UBE2J1: variants seen among roughly 807,000 people sequenced by gnomAD.
The protein encoded by UBE2J1 is ubiquitin conjugating enzyme E2 J1.
A neutral mutation model predicts 42.1 loss-of-function variants in UBE2J1; 17 were observed. The observed-to-expected ratio is 0.40, with a 90% CI of 0.28 to 0.61. UBE2J1 has a LOEUF of 0.61. Among genes scored for constraint, UBE2J1 ranks in the 20% least tolerant of loss-of-function variants. The pLI is 0.38. For missense variants in UBE2J1, 291 were observed against 389.4 expected, an observed-to-expected ratio of 0.75 and a Z score of 2.13; for synonymous variants, 127 against 137.2, an observed-to-expected ratio of 0.93 and a Z score of 0.52.
chr6:89,336,700 G>A (rs1768114347), intron 5 of UBE2J1, among the ~76,000 whole-genome samples: 1 of 151,858 alleles, frequency 6.6e-6, no homozygotes, highest in African/African-American at 2.4e-5. Flanking sequence ...ACACACCTTT[G>A]AGAATTGGTT....
In UBE2J1 at chr6:89,326,772, T is replaced by C. The variant is rs906508699; in HGVS notation, c.*2907A>G. 6.6e-6 allele frequency: 1 copy of C among 152,208 alleles called. No individual in the cohort carries two copies. Among genetic ancestry groups the C allele is most frequent in the Non-Finnish European group, 1.5e-5 (1 of 68,032 alleles). The allele number at this position is 152,208 out of a possible 1,614,324, so 9.4% of individuals were successfully genotyped here. ...CTGTTAATGTGCACATTAGTCTTTG[T>C]TAGTCACGTTCACTAAATGCATTAA... On this transcript the variant is annotated 3_prime_UTR_variant, in exon 8 of 8. Transcript: ENST00000435041.
chr6:89,352,553 T>C lies in UBE2J1; in HGVS notation c.17A>G (p.Asn6Ser), dbSNP rs1474370248. Reference protein sequence around the residue: METRYNLKSPAVKRLM... With the variant: METRYSLKSPAVKRLM... ...GCCCTGCTCACCCGGACTCTTCAGGTTGTAGCGGGTCTCCATGGTGGGTCG... is the reference window on the plus strand; with the variant it reads ...GCCCTGCTCACCCGGACTCTTCAGGCTGTAGCGGGTCTCCATGGTGGGTCG... The change falls in exon 1 of 8, where the codon AAC (asparagine) becomes AGC (serine). Residue 6 changes from asparagine (N) to serine (S), a missense_variant. Asn to Ser is a conservative substitution (Grantham distance 46, BLOSUM62 1). Coordinates refer to ENST00000435041, the MANE Select transcript of UBE2J1 (RefSeq NM_016021.3). The C allele has an allele frequency of 6.4e-7, 1 of 1,570,778 alleles. No individual in the cohort carries two copies. The highest frequency in any genetic ancestry group is 1.7e-5 in the Admixed American group (1 of 57,256).
chr6:89,342,481 G>A, intron 2 of UBE2J1, 26 bp from the exon 3 acceptor site: 1 of 1,553,402 alleles, frequency 6.4e-7, no homozygotes, highest in Non-Finnish European at 8.7e-7. Flanking sequence ...AATCCACAAG[G>A]AATTAATAAT....
At chr6:89,351,986 GTGT>G (rs1446171712) in intron 1 of UBE2J1, among the ~76,000 whole-genome samples, 1 of 152,180 alleles carries the variant, frequency 6.6e-6, no homozygotes, top group African/African-American at 2.4e-5. Flanking sequence ...GCTCAACGAG[GTGT>G]TTTTTTGTTG....
intron 3 of UBE2J1, among the ~76,000 whole-genome samples, chr6:89,340,775 T>TATG (rs1768231004): frequency 7.0e-6 from 1 of 143,304 alleles, no homozygotes; most frequent in Admixed American, 7.0e-5. Flanking sequence ...TTTATTTATG[T>TATG]TTTTTTTTTT....
At chr6:89,348,315 C>CTAGGCAT (rs1768400790) in intron 1 of UBE2J1, among the ~76,000 whole-genome samples, 1 of 152,156 alleles carries the variant, frequency 6.6e-6, no homozygotes, top group Admixed American at 6.5e-5. Flanking sequence ...TGCTGTGGGC[C>CTAGGCAT]TAGGCATTAG....
In UBE2J1 at chr6:89,338,744, C is replaced by A. The variant is rs1462873876; in HGVS notation, c.238-201G>T. Among the ~76,000 whole-genome samples, 3 of 134,812 alleles carry A rather than the reference C, an allele frequency of 2.2e-5. No homozygotes were observed. In the Admixed American group the frequency reaches 2.6e-4, roughly 12 times the overall value. The allele number at this position is 134,812 out of a possible 152,430, so 88.4% of individuals were successfully genotyped here. A position where few individuals can be genotyped will look rare whatever the true frequency, so the allele number is the denominator to read the frequency against. On this transcript the variant is annotated intron_variant, in intron 3 of 7. Transcript: ENST00000435041. ...GCAGTGGTGTGATATCAGCTCACTG[C>A]AAGATCCACCTCCCGGGTTCACGCC...
intron 5 of UBE2J1, 92 bp downstream of exon 5, chr6:89,338,113 T>C: frequency 2.5e-6 from 2 of 786,086 alleles, no homozygotes; most frequent in Non-Finnish European, 4.1e-6. Context: ...ACTCAGAAAA[T>C]AAGTCACATA....
At chr6:89,332,653 C>A (rs35559198) in intron 7 of UBE2J1, among the ~76,000 whole-genome samples, 1 of 152,174 alleles carries the variant, frequency 6.6e-6, no homozygotes, top group East Asian at 1.9e-4. Context: ...CTGCATGTGG[C>A]TGGTGGCTAC....
intron 1 of UBE2J1, among the ~76,000 whole-genome samples, chr6:89,344,680 A>G (rs1253541005): frequency 6.6e-6 from 1 of 152,114 alleles, no homozygotes; most frequent in Non-Finnish European, 1.5e-5. Flanking sequence ...AATGCCACCT[A>G]ATGTCCCCAC....
chr6:89,343,163 GCA>G (rs1233361700), intron 2 of UBE2J1, among the ~76,000 whole-genome samples: 1 of 152,136 alleles, frequency 6.6e-6, no homozygotes, highest in African/African-American at 2.4e-5. Context: ...TCGGCCGGGT[GCA>G]GTGGCTCACG....
At chr6:89,334,319 A>G (rs1768067930) in intron 6 of UBE2J1, among the ~76,000 whole-genome samples, 2 of 151,410 alleles carry the variant, frequency 1.3e-5, no homozygotes. Flanking sequence ...TTCAATAATT[A>G]AATATTTAAT....
Position 89,329,559 on chromosome 6 carries a change from C to CA in UBE2J1, c.*119dup. The stretch of plus-strand genomic sequence containing the variant: ...ATATTTATACTAAACTTACAAGGAT[C>CA]AAAAAAAGGAATGAAGGGTAAATAC... On this transcript the variant is annotated 3_prime_UTR_variant, in exon 8 of 8. Transcript: ENST00000435041. 1 of 1,105,978 alleles carries CA rather than the reference C, an allele frequency of 9.0e-7. No homozygotes were observed. Among genetic ancestry groups the CA allele is most frequent in the Non-Finnish European group, 1.3e-6 (1 of 769,966 alleles). The allele number at this position is 1,105,978 out of a possible 1,614,324, so 68.5% of individuals were successfully genotyped here.
In UBE2J1 at chr6:89,338,657, G is replaced by GTT. The variant is rs11300340; in HGVS notation, c.238-116_238-115dup. 255 of 105,434 alleles carry GTT rather than the reference G, an allele frequency of 2.4e-3. 22 individuals carry two copies. The highest frequency in any genetic ancestry group is 3.5e-3 in the Non-Finnish European group (205 of 58,234). 6.5% of individuals were successfully genotyped at this position (105,434 alleles called of 1,614,324 possible). A position where few individuals can be genotyped will look rare whatever the true frequency, so the allele number is the denominator to read the frequency against. On this transcript the variant is annotated intron_variant, in intron 3 of 7. Transcript: ENST00000435041. Reference sequence around the variant, plus strand: ...TTTTAGAGATTATCTTAAAAAGTTTGTTTTTTTTTTTTTTTTTTTTTTTTT... The same window carrying GTT: ...TTTTAGAGATTATCTTAAAAAGTTTGTTTTTTTTTTTTTTTTTTTTTTTTTTT...
intron 7 of UBE2J1, among the ~76,000 whole-genome samples, chr6:89,331,434 T>C (rs1338273665): frequency 6.6e-6 from 1 of 152,196 alleles, no homozygotes. Flanking sequence ...ACATCATTAT[T>C]TGTACACTCT....
intron 1 of UBE2J1, among the ~76,000 whole-genome samples, chr6:89,347,633 A>C (rs888673416): frequency 7.9e-5 from 12 of 152,262 alleles, no homozygotes; most frequent in African/African-American, 2.9e-4. Flanking sequence ...ATACCATGTA[A>C]GAGCTAAGGT....
chr6:89,331,222 TA>T (rs927403667), intron 7 of UBE2J1, among the ~76,000 whole-genome samples: 1 of 152,252 alleles, frequency 6.6e-6, no homozygotes, highest in African/African-American at 2.4e-5. Flanking sequence ...AGGTTTCAGT[TA>T]CTTTCATAGT....
In UBE2J1 at chr6:89,329,918, G is replaced by A. The variant is rs1222148920; in HGVS notation, c.718C>T (p.Pro240Ser). Residue 240 changes from proline to serine, a missense_variant, in exon 8 of 8, where the codon CCT (proline) becomes TCT (serine). Transcript: ENST00000435041. ...QNSSAASFHQ[P>S]TQPVAKNTSM... ...GTATTCTTAGCTACAGGTTGGGTAG[G>A]TTGATGAAAGGATGCTGCTGAGGAA... is the stretch of plus-strand genomic sequence containing the variant. 2 of 1,613,960 alleles carry A rather than the reference G, an allele frequency of 1.2e-6. No homozygotes were observed. Among genetic ancestry groups the A allele is most frequent in the African/African-American group, 2.7e-5 (2 of 74,904 alleles).
intron 5 of UBE2J1, among the ~76,000 whole-genome samples, chr6:89,337,789 A>T (rs1400324690): frequency 6.6e-6 from 1 of 152,214 alleles, no homozygotes; most frequent in African/African-American, 2.4e-5. Flanking sequence ...AGCACTTGCT[A>T]TGAGCTAGAT....
Sources: allele counts gnomAD v4.1 joint callset (sites outside exome capture counted in the v4.1 genomes callset), GRCh38; gene constraint gnomAD v4.1.1; transcripts MANE v1.5; gene names NCBI Gene and HGNC (gene_info 2026-07-23, HGNC 2026-07-21).